The following SKAP1 variants were observed in gnomAD, a reference collection of about 807,000 sequenced individuals.
SKAP1 encodes the protein src kinase-associated phosphoprotein 1.
In SKAP1, 44 loss-of-function variants were observed where a neutral mutation model predicts 58.5. The observed-to-expected ratio is 0.75, with a 90% CI of 0.59 to 0.97. SKAP1 has a LOEUF of 0.97. Among genes scored for constraint, SKAP1 ranks in the 50% least tolerant of loss-of-function variants. SKAP1 has a pLI of 0.00. For synonymous variants in SKAP1, 127 were observed against 149.7 expected, an observed-to-expected ratio of 0.85 and a Z score of 1.11; for missense variants, 390 against 435.2, an observed-to-expected ratio of 0.90 and a Z score of 0.92.
At chr17:48,424,838 A>T (rs1391238211) in intron 1 of SKAP1, among the ~76,000 whole-genome samples, 1 of 151,662 alleles carries the variant, frequency 6.6e-6, no homozygotes, top group African/African-American at 2.4e-5. Context: ...AGGCTGAGGC[A>T]GGAGAATCAC....
intron 11 of SKAP1, among the ~76,000 whole-genome samples, chr17:48,137,781 G>C (rs1285847074): frequency 6.6e-6 from 1 of 152,208 alleles, no homozygotes; most frequent in Non-Finnish European, 1.5e-5. Flanking sequence ...TCAGAAGATT[G>C]CTTGCTCCTT....
intron 3 of SKAP1, among the ~76,000 whole-genome samples, chr17:48,351,110 A>G (rs1272105431): frequency 6.6e-6 from 1 of 152,218 alleles, no homozygotes; most frequent in Non-Finnish European, 1.5e-5. Flanking sequence ...TAAGTTATTG[A>G]ATCTAATACC....
At chr17:48,373,066 T>C (rs1358040313) in intron 2 of SKAP1, among the ~76,000 whole-genome samples, 1 of 152,184 alleles carries the variant, frequency 6.6e-6, no homozygotes, top group Admixed American at 6.5e-5. Flanking sequence ...ATCCAGGTTG[T>C]ATTAGTCCAT....
chr17:48,353,918 G>T (rs908749689), intron 3 of SKAP1, among the ~76,000 whole-genome samples: 1 of 137,278 alleles, frequency 7.3e-6, no homozygotes, highest in Non-Finnish European at 1.6e-5. Flanking sequence ...AAAAAGAAAA[G>T]AAAAGAAGAA....
intron 4 of SKAP1, among the ~76,000 whole-genome samples, chr17:48,271,362 C>CTTTTTTTTTTTTTTTTT (rs35447830): frequency 4.7e-5 from 5 of 106,278 alleles, no homozygotes; most frequent in Admixed American, 1.1e-4. Flanking sequence ...TTCTTTGTTT[C>CTTTTTTTTTTTTTTTTT]TTTTTTTTTT....
At chr17:48,188,132 C>T (rs1185613075) in intron 5 of SKAP1, among the ~76,000 whole-genome samples, 1 of 152,236 alleles carries the variant, frequency 6.6e-6, no homozygotes, top group Non-Finnish European at 1.5e-5. Flanking sequence ...AAGTTCTAAA[C>T]AGGGTTGCCT....
intron 2 of SKAP1, among the ~76,000 whole-genome samples, chr17:48,378,831 C>T (rs1012443340): frequency 2.0e-5 from 3 of 152,016 alleles, no homozygotes; most frequent in African/African-American, 4.8e-5. Context: ...GCTAAATCAG[C>T]GAATGGAGGT....
chr17:48,182,010 G>A (rs1045382689), intron 8 of SKAP1, among the ~76,000 whole-genome samples: 3 of 152,104 alleles, frequency 2.0e-5, no homozygotes, highest in African/African-American at 7.2e-5. Context: ...CTAAAATAAG[G>A]AGATTTTGAA....
At chr17:48,367,528 ATG>A (rs1367110061) in intron 2 of SKAP1, among the ~76,000 whole-genome samples, 2 of 127,786 alleles carry the variant, frequency 1.6e-5, no homozygotes, top group Non-Finnish European at 3.4e-5. Flanking sequence ...GTGTATATGT[ATG>A]TGTGTGTATA....
chr17:48,243,491 C>A (rs1288499350), intron 4 of SKAP1, among the ~76,000 whole-genome samples: 1 of 151,982 alleles, frequency 6.6e-6, no homozygotes, highest in African/African-American at 2.4e-5. Context: ...TAAAAAGGAA[C>A]AAAATCCTGT....
At chr17:48,402,044 C>T (rs2067504735) in intron 1 of SKAP1, among the ~76,000 whole-genome samples, 1 of 152,160 alleles carries the variant, frequency 6.6e-6, no homozygotes, top group Non-Finnish European at 1.5e-5. Context: ...CACTAGCCAT[C>T]AGGGAAATGC....
intron 4 of SKAP1, among the ~76,000 whole-genome samples, chr17:48,273,444 A>G (rs1173115209): frequency 6.8e-6 from 1 of 146,270 alleles, no homozygotes; most frequent in Non-Finnish European, 1.5e-5. Context: ...TTCTTTTGAG[A>G]TGGAGCTTGC....
intron 4 of SKAP1, among the ~76,000 whole-genome samples, chr17:48,208,862 T>C (rs749131092): frequency 4.6e-5 from 7 of 152,186 alleles, no homozygotes; most frequent in Non-Finnish European, 1.0e-4. Flanking sequence ...TGCTAATAAT[T>C]AGAAGTGAGA....
intron 4 of SKAP1, among the ~76,000 whole-genome samples, chr17:48,217,920 A>C (rs1259820683): frequency 6.6e-6 from 1 of 152,188 alleles, no homozygotes; most frequent in Non-Finnish European, 1.5e-5. Context: ...GAAAAGCCAT[A>C]GGTGCACCAA....
chr17:48,309,914 G>C (rs1476883264), intron 4 of SKAP1, among the ~76,000 whole-genome samples: 1 of 152,130 alleles, frequency 6.6e-6, no homozygotes, highest in Non-Finnish European at 1.5e-5. Flanking sequence ...CTTTAATGAG[G>C]CTTGGAATAA....
At chr17:48,333,873 T>C (rs2066535182) in intron 4 of SKAP1, among the ~76,000 whole-genome samples, 1 of 151,974 alleles carries the variant, frequency 6.6e-6, no homozygotes, top group African/African-American at 2.4e-5. Flanking sequence ...AAAGCAAACA[T>C]GTAATAGATT....
chr17:48,149,714 C>G (rs7221897), intron 11 of SKAP1, among the ~76,000 whole-genome samples: 24,463 of 152,118 alleles, frequency 0.16, 2,667 homozygotes, highest in African/African-American at 0.3. Context: ...TGTTTATGCT[C>G]TGTGTGTGTC....
chr17:48,366,445 G>T (rs2067003149), intron 2 of SKAP1, among the ~76,000 whole-genome samples: 1 of 151,642 alleles, frequency 6.6e-6, no homozygotes, highest in Non-Finnish European at 1.5e-5. Context: ...TAGCAAAGGG[G>T]AGAGGAAGGG....
chr17:48,283,648 T>G (rs1350285820), intron 4 of SKAP1, among the ~76,000 whole-genome samples: 2 of 152,152 alleles, frequency 1.3e-5, no homozygotes, highest in East Asian at 3.9e-4. Flanking sequence ...CTCTTGAAGA[T>G]CTTAGTGGTG....
Sources: gnomAD v4.1 joint callset for allele counts (sites outside exome capture counted in the v4.1 genomes callset) on GRCh38, gnomAD v4.1.1 for gene constraint, MANE v1.5 for transcripts, NCBI Gene and HGNC (gene_info 2026-07-23, HGNC 2026-07-21) for gene names.